ANKRD17: variants seen among roughly 807,000 people sequenced by gnomAD.
ANKRD17 encodes ankyrin repeat domain 17.
ANKRD17 carries 19 observed loss-of-function variants against 229.7 expected under a neutral mutation model. The observed-to-expected ratio is 0.08, with a 90% confidence interval of 0.06 to 0.12. ANKRD17 has a LOEUF of 0.12. ANKRD17 is among the 10% of genes least tolerant of loss of function. ANKRD17 has a pLI of 1.00. For missense variants in ANKRD17, 2,176 were observed against 3,176.8 expected (o/e 0.68, Z 7.57); for synonymous variants, 1,112 against 1,146.1 (o/e 0.97, Z 0.60).
chr4:73,141,577 G>A (rs1301047670), intron 14 of ANKRD17, among the ~76,000 whole-genome samples, 164 bp downstream of exon 14: 1 of 152,172 alleles, frequency 6.6e-6, no homozygotes, highest in East Asian at 1.9e-4. Flanking sequence ...ACAAATTAGT[G>A]CTATTAACTA....
chr4:73,086,108 T>C (rs185184912), intron 29 of ANKRD17, among the ~76,000 whole-genome samples: 156 of 152,336 alleles, frequency 1.0e-3, no homozygotes, highest in African/African-American at 3.5e-3. Context: ...TTTAGTACTT[T>C]CAGCACTAGT....
chr4:73,206,104 G>C (rs1043133349), intron 1 of ANKRD17, among the ~76,000 whole-genome samples: 33 of 152,150 alleles, frequency 2.2e-4, no homozygotes, highest in Non-Finnish European at 1.3e-4. Flanking sequence ...TAAGGATGTG[G>C]AGAAAAGGAA....
At chr4:73,177,989 A>T (rs540648033) in intron 1 of ANKRD17, among the ~76,000 whole-genome samples, 63 of 152,302 alleles carry the variant, frequency 4.1e-4, no homozygotes, top group Admixed American at 4.1e-3. Flanking sequence ...ATTAAGTAAC[A>T]AATATCACTA....
intron 13 of ANKRD17, 114 bp from the exon 14 acceptor site, chr4:73,141,957 T>A: frequency 1.1e-6 from 1 of 922,176 alleles, no homozygotes; most frequent in Non-Finnish European, 1.6e-6. Context: ...TATGTCATCT[T>A]AGACAATGAC....
At position 73,258,795 on chromosome 4, in the gene ANKRD17, T is replaced by TACTGCC; in HGVS notation, c.-128_-127insGGCAGT. On this transcript the variant is annotated 5_prime_UTR_variant, in exon 1 of 34. Coordinates refer to ENST00000358602, the MANE Select transcript of ANKRD17 (RefSeq NM_032217.5). ...CCGCCGCCACCGCCTCGGTCACCTC[T>TACTGCC]ACTGCCGCCGCCGCCGCCGCCGCTC... is the stretch of plus-strand genomic sequence containing the variant. 1.7e-6 allele frequency: 2 copies of TACTGCC among 1,193,768 alleles called. No homozygotes were observed. The highest frequency in any genetic ancestry group is 4.9e-5 in the Admixed American group (1 of 20,570). The allele number at this position is 1,193,768 out of a possible 1,614,324, so 73.9% of individuals were successfully genotyped here. A position where few individuals can be genotyped will look rare whatever the true frequency, so the allele number is the denominator to read the frequency against.
chr4:73,087,503 C>T lies in ANKRD17; in HGVS notation c.6962-2057G>A, dbSNP rs563798099. Among the ~76,000 whole-genome samples the T allele has an allele frequency of 4.6e-5, 7 of 152,174 alleles. No homozygotes were observed. In the South Asian group the frequency reaches 1.2e-3, roughly 27 times the overall value. On this transcript the variant is annotated intron_variant, in intron 29 of 33. Coordinates refer to ENST00000358602, the MANE Select transcript of ANKRD17 (RefSeq NM_032217.5). Reference sequence around the variant, plus strand: ...GACATAATCACTGAATTAAACTTGCCCACAGAGTCAATGTCAAGAATTACA... The same window carrying T: ...GACATAATCACTGAATTAAACTTGCTCACAGAGTCAATGTCAAGAATTACA...
chr4:73,156,235 T>C, intron 3 of ANKRD17, 69 bp from the exon 4 acceptor site: 4 of 1,485,270 alleles, frequency 2.7e-6, no homozygotes, highest in Non-Finnish European at 3.6e-6. Flanking sequence ...ATAAATATTG[T>C]TTTTGATTGT....
Position 73,204,523 on chromosome 4 carries a change from A to T in ANKRD17, c.394-26990T>A, listed in dbSNP as rs553453217. On this transcript the variant is annotated intron_variant, in intron 1 of 33. Transcript: ENST00000358602. The stretch of plus-strand genomic sequence containing the variant: ...TGCCAGCAGACAAGCACTATAAAAA[A>T]TTTTTTTAAAGTAAATTCTTCAAGT... Among the ~76,000 whole-genome samples the T allele has an allele frequency of 5.9e-5, 9 of 152,260 alleles. No individual in the cohort carries two copies. In the East Asian group the frequency reaches 1.2e-3, roughly 20 times the overall value.
At chr4:73,239,824 T>C (rs1743846779) in intron 1 of ANKRD17, among the ~76,000 whole-genome samples, 3 of 152,148 alleles carry the variant, frequency 2.0e-5, no homozygotes. Flanking sequence ...CAGTTTAACA[T>C]TTGGTGAAAA....
intron 2 of ANKRD17, among the ~76,000 whole-genome samples, chr4:73,166,850 A>C (rs1733299583): frequency 6.6e-6 from 1 of 152,100 alleles, no homozygotes; most frequent in Non-Finnish European, 1.5e-5. Context: ...GTATATATTT[A>C]AGAAAAATAA....
intron 27 of ANKRD17, among the ~76,000 whole-genome samples, chr4:73,094,835 G>A (rs1329697517): frequency 1.3e-5 from 2 of 151,864 alleles, no homozygotes; most frequent in Non-Finnish European, 2.9e-5. Flanking sequence ...TTACTCATAT[G>A]CTTCTTTTTA....
At chr4:73,125,639 A>G (rs983749914) in intron 16 of ANKRD17, among the ~76,000 whole-genome samples, 1 of 151,848 alleles carries the variant, frequency 6.6e-6, no homozygotes, top group Non-Finnish European at 1.5e-5. Flanking sequence ...AGGCTGAGGC[A>G]GAAGAATCGC....
intron 1 of ANKRD17, among the ~76,000 whole-genome samples, chr4:73,213,031 G>GGA (rs1553938514): frequency 1.0e-3 from 135 of 131,326 alleles, no homozygotes; most frequent in African/African-American, 3.0e-3. Context: ...CGTTTCAGGG[G>GGA]AAAAAAAAAA....
At chr4:73,258,166 C>G in intron 1 of ANKRD17, 110 bp downstream of exon 1, 1 of 1,551,866 alleles carries the variant, frequency 6.4e-7, no homozygotes. Flanking sequence ...AAGCCTGGCC[C>G]CTAAGAGATC....
intron 16 of ANKRD17, among the ~76,000 whole-genome samples, chr4:73,125,848 CTT>C (rs1727388733): frequency 6.6e-6 from 1 of 151,902 alleles, no homozygotes; most frequent in Admixed American, 6.6e-5. Context: ...TAAAGTATGA[CTT>C]TCAATCACGT....
intron 33 of ANKRD17, among the ~76,000 whole-genome samples, chr4:73,076,521 C>A (rs561090345): frequency 6.6e-6 from 1 of 152,030 alleles, no homozygotes; most frequent in Admixed American, 6.6e-5. Context: ...TATAGATTCA[C>A]GGTTGTGGAA....
chr4:73,164,468 C>A (rs1407995370), intron 2 of ANKRD17, among the ~76,000 whole-genome samples: 1 of 151,638 alleles, frequency 6.6e-6, no homozygotes, highest in Non-Finnish European at 1.5e-5. Context: ...TCTTTTTTTT[C>A]TGGTCTTATC....
chr4:73,250,615 A>AAAAAAAAAAAAAAC (rs1744925705), intron 1 of ANKRD17, among the ~76,000 whole-genome samples: 1 of 138,386 alleles, frequency 7.2e-6, no homozygotes, highest in Non-Finnish European at 1.6e-5. Flanking sequence ...AAAAAAAAAA[A>AAAAAAAAAAAAAAC]CAGAAAAAAA....
At chr4:73,184,528 CAAAAAAAA>C (rs776930137) in intron 1 of ANKRD17, among the ~76,000 whole-genome samples, 2 of 29,976 alleles carry the variant, frequency 6.7e-5, no homozygotes, top group South Asian at 1.3e-3. Context: ...GACTTCCTCT[CAAAAAAAA>C]AAAAAAAAAA....
Sources: allele counts gnomAD v4.1 joint callset (sites outside exome capture counted in the v4.1 genomes callset), GRCh38; gene constraint gnomAD v4.1.1; transcripts MANE v1.5; gene names NCBI Gene and HGNC (gene_info 2026-07-23, HGNC 2026-07-21).